Variants in REPS2 observed in about 807,000 individuals in gnomAD.
REPS2 encodes ralBP1-associated Eps domain-containing protein 2.
A neutral mutation model predicts 53.6 loss-of-function variants in REPS2; 23 were observed. The observed-to-expected ratio is 0.43, with a 90% confidence interval of 0.31 to 0.61. The LOEUF (loss-of-function observed/expected upper bound fraction) is 0.61. Ranked by LOEUF, REPS2 falls within the 20% of genes least tolerant of loss-of-function variation. The probability of loss-of-function intolerance (pLI) is 0.11; values close to 1 mark genes in which losing one functional copy is unlikely to be tolerated. For missense variants in REPS2, 446 were observed against 534.9 expected (o/e 0.83, Z 1.64); for synonymous variants, 238 against 218.6 (o/e 1.09, Z -0.78).
chrX:16,950,591 G>A (rs1022368558), intron 1 of REPS2, among the ~76,000 whole-genome samples: 2 of 112,460 alleles, frequency 1.8e-5, no homozygotes, highest in Admixed American at 9.4e-5. Context: ...GGTGGAAAAC[G>A]TATATGAGTT....
At chrX:16,950,995 A>T (rs111375652) in intron 1 of REPS2, among the ~76,000 whole-genome samples, 1 of 112,402 alleles carries the variant, frequency 8.9e-6, no homozygotes, top group African/African-American at 3.2e-5. Flanking sequence ...ATAGTGAACT[A>T]TGATCGCACC....
At chrX:17,051,562 C>T (rs1672344308) in intron 6 of REPS2, among the ~76,000 whole-genome samples, 2 of 112,353 alleles carry the variant, frequency 1.8e-5, no homozygotes, top group Admixed American at 9.4e-5. Context: ...TATATCAGTA[C>T]ATCCCATTTT....
intron 1 of REPS2, among the ~76,000 whole-genome samples, chrX:16,950,349 G>A (rs1467039238): frequency 3.6e-5 from 4 of 111,995 alleles, no homozygotes; most frequent in Non-Finnish European, 7.5e-5. Context: ...ACATCTGTAT[G>A]CAGCCTTTTT....
intron 6 of REPS2, among the ~76,000 whole-genome samples, chrX:17,049,646 G>T (rs1279660641): frequency 5.4e-5 from 6 of 111,160 alleles, no homozygotes; most frequent in Non-Finnish European, 1.1e-4. Context: ...TGGGGTACAT[G>T]AGATGTTTTG....
At chrX:17,033,830 C>A (rs1419534238) in intron 5 of REPS2, among the ~76,000 whole-genome samples, 1 of 112,238 alleles carries the variant, frequency 8.9e-6, no homozygotes, top group Non-Finnish European at 1.9e-5. Context: ...CTTAACATGT[C>A]ATCCATGTTG....
At chrX:17,049,052 A>G (rs1364337620) in intron 6 of REPS2, among the ~76,000 whole-genome samples, 2 of 110,234 alleles carry the variant, frequency 1.8e-5, no homozygotes, top group East Asian at 5.7e-4. Flanking sequence ...CATGCCCCAC[A>G]CCAGGCTAAT....
At chrX:17,082,905 T>A (rs980020724) in intron 13 of REPS2, among the ~76,000 whole-genome samples, 1 of 110,528 alleles carries the variant, frequency 9.0e-6, no homozygotes, top group Admixed American at 9.6e-5. Context: ...TTATAAAAAA[T>A]TTGCTTTTCA....
chrX:16,980,030 A>G (rs1398654254), intron 1 of REPS2, among the ~76,000 whole-genome samples: 1 of 111,385 alleles, frequency 9.0e-6, no homozygotes, highest in Non-Finnish European at 1.9e-5. Context: ...ATATTGTATC[A>G]CAGTTGTTGC....
chrX:17,017,737 G>A (rs926604038), intron 2 of REPS2, among the ~76,000 whole-genome samples: 2 of 111,500 alleles, frequency 1.8e-5, no homozygotes, highest in Non-Finnish European at 3.8e-5. Context: ...TGGCCACAAT[G>A]GCTCACATTC....
chrX:17,051,973 A>G (rs377415206), intron 6 of REPS2, among the ~76,000 whole-genome samples: 1 of 112,292 alleles, frequency 8.9e-6, no homozygotes, highest in Non-Finnish European at 1.9e-5. Context: ...GGTGTGATCA[A>G]TGGTATTAAT....
At chrX:17,117,983 G>A (rs2063082443) in intron 14 of REPS2, among the ~76,000 whole-genome samples, 2 of 79,968 alleles carry the variant, frequency 2.5e-5, no homozygotes, top group African/African-American at 4.9e-5. Flanking sequence ...TTTTTGAGAC[G>A]GAGTCTCGCT....
At chrX:17,032,277 G>A (rs2061717352) in intron 5 of REPS2, among the ~76,000 whole-genome samples, 1 of 111,857 alleles carries the variant, frequency 8.9e-6, no homozygotes, top group Non-Finnish European at 1.9e-5. Flanking sequence ...ACAGGTGCTC[G>A]CCCAAGTCCA....
intron 14 of REPS2, among the ~76,000 whole-genome samples, chrX:17,124,513 T>A (rs2063181857): frequency 2.7e-5 from 3 of 111,447 alleles, no homozygotes; most frequent in Non-Finnish European, 5.6e-5. Flanking sequence ...GGTGGAACAG[T>A]GGTGTGCTGG....
chrX:17,141,033 G>A, intron 17 of REPS2, among the ~76,000 whole-genome samples: 1 of 111,790 alleles, frequency 8.9e-6, no homozygotes, highest in South Asian at 3.7e-4. Flanking sequence ...GTCTCCCAGA[G>A]TGCTGGGATT....
chrX:17,047,759 G>A (rs1332246462), intron 6 of REPS2, among the ~76,000 whole-genome samples: 1 of 112,872 alleles, frequency 8.9e-6, no homozygotes, highest in African/African-American at 3.2e-5. Flanking sequence ...AAATGCTAGC[G>A]TGTCGCCCCA....
chrX:17,170,438 G>A, the REPS2 span, among the ~76,000 whole-genome samples: 1 of 112,583 alleles, frequency 8.9e-6, no homozygotes, highest in Non-Finnish European at 1.9e-5. Context: ...TTGGTTGTTA[G>A]TTATAAAACT....
chrX:17,003,608 A>G (rs1467405892), intron 1 of REPS2, among the ~76,000 whole-genome samples: 3 of 111,335 alleles, frequency 2.7e-5, no homozygotes, highest in Non-Finnish European at 3.8e-5. Flanking sequence ...AAGAATCTGG[A>G]TTTTGCTAGC....
At chrX:17,036,640 C>T (rs1436574519) in intron 5 of REPS2, among the ~76,000 whole-genome samples, 3 of 111,270 alleles carry the variant, frequency 2.7e-5, no homozygotes, top group African/African-American at 9.8e-5. Flanking sequence ...TTTATAAGGT[C>T]ATGACAGTAA....
At chrX:17,160,729 G>A in the REPS2 span, among the ~76,000 whole-genome samples, 4 of 112,404 alleles carry the variant, frequency 3.6e-5, no homozygotes, top group Admixed American at 2.8e-4. Flanking sequence ...GAAGCTGAGA[G>A]CCCAGAAGGT....
Sources: gnomAD v4.1 joint callset for allele counts (sites outside exome capture counted in the v4.1 genomes callset) on GRCh38, gnomAD v4.1.1 for gene constraint, MANE v1.5 for transcripts, NCBI Gene and HGNC (gene_info 2026-07-23, HGNC 2026-07-21) for gene names.